The following DPYD variants were observed in gnomAD, a reference collection of about 807,000 sequenced individuals.
DPYD encodes dihydropyrimidine dehydrogenase [NADP(+)].
In DPYD, 109 loss-of-function variants were observed where a neutral mutation model predicts 116.2. The observed-to-expected ratio is 0.94, with a 90% confidence interval of 0.80 to 1.10. DPYD has a LOEUF of 1.10. DPYD is among the 50% of genes least tolerant of loss of function. The probability of loss-of-function intolerance (pLI) is 0.00; values close to 1 mark genes in which losing one functional copy is unlikely to be tolerated. For synonymous variants in DPYD, 440 were observed against 432.0 expected, an observed-to-expected ratio of 1.02 and a Z score of -0.23; for missense variants, 1,302 against 1,254.5, an observed-to-expected ratio of 1.04 and a Z score of -0.57.
chr1:97,431,618 T>G (rs1675181829), intron 14 of DPYD, among the ~76,000 whole-genome samples: 1 of 152,172 alleles, frequency 6.6e-6, no homozygotes, highest in Admixed American at 6.5e-5. Flanking sequence ...CCTATGATAT[T>G]TTGATACAAG....
At chr1:97,378,225 C>T (rs1434942919) in intron 15 of DPYD, among the ~76,000 whole-genome samples, 1 of 152,214 alleles carries the variant, frequency 6.6e-6, no homozygotes, top group Non-Finnish European at 1.5e-5. Context: ...GCGTGTCTAT[C>T]TCCTGTGATT....
intron 20 of DPYD, among the ~76,000 whole-genome samples, chr1:97,139,369 A>T (rs1235697029): frequency 1.3e-5 from 2 of 152,186 alleles, no homozygotes; most frequent in African/African-American, 2.4e-5. Context: ...ATAAAAAAAA[A>T]TTTATGTATT....
At chr1:97,118,453 A>G (rs1652156287) in intron 20 of DPYD, among the ~76,000 whole-genome samples, 1 of 152,150 alleles carries the variant, frequency 6.6e-6, no homozygotes, top group South Asian at 2.1e-4. Context: ...AAAAACACAC[A>G]GGTAGAAAGC....
chr1:97,911,155 G>C (rs994758327), intron 1 of DPYD, among the ~76,000 whole-genome samples: 1 of 151,934 alleles, frequency 6.6e-6, no homozygotes, highest in African/African-American at 2.4e-5. Flanking sequence ...TTAATTAGTA[G>C]TACTATGTAG....
chr1:97,776,555 A>G (rs1666416866), intron 3 of DPYD, among the ~76,000 whole-genome samples: 3 of 152,184 alleles, frequency 2.0e-5, no homozygotes, highest in African/African-American at 7.2e-5. Flanking sequence ...TATTTTCCCA[A>G]GACGTTCTCT....
intron 18 of DPYD, among the ~76,000 whole-genome samples, chr1:97,240,583 C>T (rs1410482179): frequency 3.9e-5 from 6 of 151,924 alleles, no homozygotes; most frequent in African/African-American, 7.2e-5. Flanking sequence ...TTCGTGCTCA[C>T]TGTGTATGCA....
At chr1:97,177,833 T>C (rs889697552) in intron 20 of DPYD, among the ~76,000 whole-genome samples, 21 of 152,118 alleles carry the variant, frequency 1.4e-4, no homozygotes, top group African/African-American at 4.6e-4. Flanking sequence ...ATAAACAACA[T>C]ACATTTATTT....
At chr1:97,256,972 C>T (rs562685644) in intron 18 of DPYD, among the ~76,000 whole-genome samples, 25 of 152,186 alleles carry the variant, frequency 1.6e-4, no homozygotes, top group South Asian at 4.1e-4. Context: ...CTTCACACTA[C>T]GCAATGATTA....
intron 13 of DPYD, among the ~76,000 whole-genome samples, chr1:97,474,331 T>TA (rs1677830314): frequency 6.6e-6 from 1 of 152,120 alleles, no homozygotes; most frequent in Non-Finnish European, 1.5e-5. Flanking sequence ...CCATTATACA[T>TA]ACTCTGAGTG....
intron 2 of DPYD, among the ~76,000 whole-genome samples, chr1:97,854,695 T>C (rs994440303): frequency 1.3e-5 from 2 of 152,190 alleles, no homozygotes; most frequent in Non-Finnish European, 2.9e-5. Flanking sequence ...CTGGTATTAG[T>C]GAAGTAAGTT....
At chr1:97,214,715 C>T (rs1247503086) in intron 19 of DPYD, among the ~76,000 whole-genome samples, 1 of 152,132 alleles carries the variant, frequency 6.6e-6, no homozygotes, top group African/African-American at 2.4e-5. Context: ...TGATGGATTA[C>T]CCCAAGGCAT....
intron 8 of DPYD, among the ~76,000 whole-genome samples, chr1:97,608,432 T>C (rs1655737019): frequency 6.6e-6 from 1 of 151,918 alleles, no homozygotes; most frequent in Non-Finnish European, 1.5e-5. Context: ...TCACGTCTGG[T>C]TCACCCTACC....
intron 21 of DPYD, among the ~76,000 whole-genome samples, chr1:97,096,898 T>G (rs1650291802): frequency 2.0e-5 from 3 of 152,108 alleles, no homozygotes; most frequent in African/African-American, 7.2e-5. Flanking sequence ...TTGCCACATT[T>G]AAGAGCTGTA....
chr1:97,470,259 A>G (rs1344573578), intron 13 of DPYD, among the ~76,000 whole-genome samples: 2 of 152,204 alleles, frequency 1.3e-5, no homozygotes, highest in Non-Finnish European at 1.5e-5. Flanking sequence ...TGCCACCCAG[A>G]CAAGTAAACA....
In DPYD at chr1:97,691,702, GT is replaced by G. The variant is rs751418176; in HGVS notation, c.762+14del. The G allele has an allele frequency of 1.2e-6, 2 of 1,607,946 alleles. No individual in the cohort carries two copies. Among genetic ancestry groups the G allele is most frequent in the Non-Finnish European group, 1.7e-6 (2 of 1,174,862 alleles). On this transcript the variant is annotated intron_variant, in intron 7 of 22. Transcript: ENST00000370192. Reference sequence around the variant, plus strand: ...CTTTTTGAGCAGTACACAGATAGGTGTTTTTTTCATTTACCTTTACACCAAG... The same window carrying G: ...CTTTTTGAGCAGTACACAGATAGGTGTTTTTTCATTTACCTTTACACCAAG...
chr1:97,702,806 T>C (rs1259338645), intron 5 of DPYD, among the ~76,000 whole-genome samples: 1 of 151,966 alleles, frequency 6.6e-6, no homozygotes, highest in Non-Finnish European at 1.5e-5. Context: ...TCACCTAAAA[T>C]ATTTTAATAT....
intron 8 of DPYD, among the ~76,000 whole-genome samples, chr1:97,618,462 G>A (rs532374799): frequency 4.7e-5 from 7 of 148,946 alleles, no homozygotes; most frequent in East Asian, 2.0e-4. Context: ...TGCAACCTCC[G>A]CCTCCCGGGT....
At chr1:97,561,075 T>C (rs545452428) in intron 11 of DPYD, among the ~76,000 whole-genome samples, 1 of 152,150 alleles carries the variant, frequency 6.6e-6, no homozygotes, top group Non-Finnish European at 1.5e-5. Flanking sequence ...GAAACTGTAG[T>C]AAGAAGTTTG....
rs138518488 is a variant in DPYD, at chr1:97,135,246, C to T, written c.2623-36614G>A. 4.2e-4 allele frequency among the ~76,000 whole-genome samples: 64 copies of T among 152,160 alleles called. No individual in the cohort carries two copies. The East Asian group carries it at 4.8e-3, about 11-fold the overall frequency. On this transcript the variant is annotated intron_variant, in intron 20 of 22. Coordinates refer to ENST00000370192, the MANE Select transcript of DPYD (RefSeq NM_000110.4). Reference sequence around the variant, plus strand: ...CACTTTTGTATTTTTCACAAAACCCCGGCTATAGGCATTGTACAGTAAATT... The same window carrying T: ...CACTTTTGTATTTTTCACAAAACCCTGGCTATAGGCATTGTACAGTAAATT...
Sources: gnomAD v4.1 joint callset for allele counts (sites outside exome capture counted in the v4.1 genomes callset) on GRCh38, gnomAD v4.1.1 for gene constraint, MANE v1.5 for transcripts, NCBI Gene and HGNC (gene_info 2026-07-23, HGNC 2026-07-21) for gene names.